Variants in EML6 observed in about 807,000 individuals in gnomAD.
The protein encoded by EML6 is echinoderm microtubule-associated protein-like 6.
EML6 carries 154 observed loss-of-function variants against 240.1 expected under a neutral mutation model. The ratio of observed to expected loss-of-function variants is 0.64; its 90% CI spans 0.56 to 0.73. The LOEUF (loss-of-function observed/expected upper bound fraction) is 0.73. EML6 is among the 30% of genes least tolerant of loss of function. The pLI is 0.00. For missense variants in EML6, 2,964 were observed against 2,474.6 expected, an observed-to-expected ratio of 1.20 and a Z score of -4.20; for synonymous variants, 1,148 against 899.0, an observed-to-expected ratio of 1.28 and a Z score of -4.95.
chr2:54,872,823 C>A (rs1671324053), intron 16 of EML6, among the ~76,000 whole-genome samples: 1 of 152,198 alleles, frequency 6.6e-6, no homozygotes. Flanking sequence ...GAAGTTTTCT[C>A]TTCCAACTTT....
At chr2:54,922,855 G>T (rs190140842) in intron 26 of EML6, among the ~76,000 whole-genome samples, 50 of 151,508 alleles carry the variant, frequency 3.3e-4, no homozygotes, top group African/African-American at 1.1e-3. Flanking sequence ...TGAACTCACA[G>T]AAGTAGAGAG....
intron 2 of EML6, among the ~76,000 whole-genome samples, chr2:54,803,823 T>G (rs1670309139): frequency 6.6e-6 from 1 of 152,180 alleles, no homozygotes; most frequent in Admixed American, 6.5e-5. Flanking sequence ...GAGTGTTAGC[T>G]CCTGTGTGTG....
chr2:54,752,119 A>C (rs149377612), intron 2 of EML6, among the ~76,000 whole-genome samples: 3 of 152,150 alleles, frequency 2.0e-5, no homozygotes, highest in Admixed American at 1.3e-4. Context: ...TTTAAATTAC[A>C]TGCTCTACTT....
chr2:54,901,279 C>G (rs978276232), intron 22 of EML6, among the ~76,000 whole-genome samples: 1 of 152,230 alleles, frequency 6.6e-6, no homozygotes, highest in African/African-American at 2.4e-5. Context: ...CTGCTTAACA[C>G]TATTTCCCTC....
At chr2:54,866,939 C>T in intron 14 of EML6, 55 bp downstream of exon 14, 1 of 1,064,632 alleles carries the variant, frequency 9.4e-7, no homozygotes, top group Non-Finnish European at 1.4e-6. Context: ...GCCTGGCTGT[C>T]ACCAACCTTA....
intron 2 of EML6, among the ~76,000 whole-genome samples, chr2:54,799,213 A>T (rs1669982959): frequency 6.6e-6 from 1 of 152,114 alleles, no homozygotes. Context: ...GGTGTGCACC[A>T]CCATGCCCAG....
At chr2:54,898,881 C>T (rs994540123) in intron 21 of EML6, among the ~76,000 whole-genome samples, 8 of 152,218 alleles carry the variant, frequency 5.3e-5, no homozygotes, top group Non-Finnish European at 7.3e-5. Context: ...AATTCATTTT[C>T]TCCCTGTTAA....
At chr2:54,741,490 G>A (rs950931349) in intron 2 of EML6, among the ~76,000 whole-genome samples, 2 of 152,030 alleles carry the variant, frequency 1.3e-5, no homozygotes, top group Non-Finnish European at 2.9e-5. Context: ...TTTCTGTTAA[G>A]ATTACTAAGA....
At chr2:54,919,242 TC>T (rs5831329) in intron 26 of EML6, among the ~76,000 whole-genome samples, 46,296 of 128,136 alleles carry the variant, frequency 0.36, 8,245 homozygotes, top group Admixed American at 0.45. Flanking sequence ...CTATTTTGCT[TC>T]CCCCCCCCCC....
intron 9 of EML6, among the ~76,000 whole-genome samples, chr2:54,848,809 GAAACA>G (rs1285847330): frequency 4.6e-5 from 7 of 152,118 alleles, no homozygotes; most frequent in African/African-American, 7.2e-5. Context: ...AATCTGGTCA[GAAACA>G]AAACAAAATA....
chr2:54,898,253 C>T (rs765330657), intron 21 of EML6, among the ~76,000 whole-genome samples: 8 of 152,008 alleles, frequency 5.3e-5, no homozygotes, highest in Non-Finnish European at 1.0e-4. Context: ...CTGTGTTACA[C>T]GGGGATTAAA....
chr2:54,920,914 A>C (rs544237598), intron 26 of EML6, among the ~76,000 whole-genome samples: 37 of 152,292 alleles, frequency 2.4e-4, no homozygotes, highest in Non-Finnish European at 4.7e-4. Context: ...AAATCATTTG[A>C]TTATCTCAGT....
At chr2:54,886,463 T>C (rs565644688) in intron 17 of EML6, among the ~76,000 whole-genome samples, 2 of 152,210 alleles carry the variant, frequency 1.3e-5, no homozygotes, top group East Asian at 3.9e-4. Context: ...CGCCACCGCG[T>C]CTGGCCTCTT....
chr2:54,866,886 T>G lies in EML6; in HGVS notation c.2051+2T>G. On this transcript the variant is annotated splice_donor_variant, in intron 14 of 41. Coordinates refer to ENST00000356458, the MANE Select transcript of EML6 (RefSeq NM_001039753.4). LOFTEE classifies it high-confidence loss of function. ...CTTGAAACTCCAGTTCATACACGGG[T>G]GGGTGGCCTGTCATGGGCGCCCGTA... 6.5e-7 allele frequency: 1 copy of G among 1,537,190 alleles called. No homozygotes were observed. The highest frequency in any genetic ancestry group is 8.8e-7 in the Non-Finnish European group (1 of 1,134,192).
chr2:54,802,693 A>G (rs1382226587), intron 2 of EML6, among the ~76,000 whole-genome samples: 1 of 147,456 alleles, frequency 6.8e-6, no homozygotes, highest in Non-Finnish European at 1.5e-5. Flanking sequence ...ACCAATAATA[A>G]TAATAATTTA....
intron 7 of EML6, among the ~76,000 whole-genome samples, chr2:54,835,144 A>T (rs1472505243): frequency 1.3e-5 from 2 of 152,174 alleles, no homozygotes; most frequent in African/African-American, 4.8e-5. Flanking sequence ...TATGCTGATG[A>T]TCTCTTCTAG....
chr2:54,876,225 T>C lies in EML6; in HGVS notation c.2345-3322T>C, dbSNP rs139422352. Reference sequence around the variant, plus strand: ...GATTTCCAAAGCTAAGACCACGGCTTACAGGGAAAGTGAGAACTGGGAAAG... The same window carrying C: ...GATTTCCAAAGCTAAGACCACGGCTCACAGGGAAAGTGAGAACTGGGAAAG... On this transcript the variant is annotated intron_variant, in intron 16 of 41. Coordinates refer to ENST00000356458, the MANE Select transcript of EML6 (RefSeq NM_001039753.4). Among the ~76,000 whole-genome samples the C allele has an allele frequency of 1.5e-4, 23 of 152,326 alleles. No homozygotes were observed. The East Asian group carries it at 2.5e-3, about 17-fold the overall frequency.
intron 5 of EML6, among the ~76,000 whole-genome samples, chr2:54,824,823 CA>C (rs1450498450): frequency 1.3e-5 from 2 of 152,176 alleles, no homozygotes; most frequent in African/African-American, 4.8e-5. Context: ...ACAAAATTTG[CA>C]TTACAGTCTG....
intron 11 of EML6, among the ~76,000 whole-genome samples, chr2:54,858,014 T>C (rs965182912): frequency 4.4e-4 from 67 of 152,184 alleles, no homozygotes; most frequent in African/African-American, 1.4e-3. Flanking sequence ...TGCACAAACA[T>C]TTATTATATC....
Sources: gnomAD v4.1 joint callset for allele counts (sites outside exome capture counted in the v4.1 genomes callset) on GRCh38, gnomAD v4.1.1 for gene constraint, MANE v1.5 for transcripts, NCBI Gene and HGNC (gene_info 2026-07-23, HGNC 2026-07-21) for gene names.